The following MGAT4C variants were observed in gnomAD, a reference collection of about 807,000 sequenced individuals.
The protein encoded by MGAT4C is MGAT4 family member C, also known as alpha-1,3-mannosyl-glycoprotein 4-beta-N-acetylglucosaminyltransferase C.
In MGAT4C, 19 loss-of-function variants were observed where a neutral mutation model predicts 40.1. The observed-to-expected ratio is 0.47, with a 90% CI of 0.33 to 0.70. MGAT4C has a LOEUF of 0.70. Among genes scored for constraint, MGAT4C ranks in the 30% least tolerant of loss-of-function variants. MGAT4C has a pLI of 0.02. For synonymous variants in MGAT4C, 181 were observed against 187.1 expected (o/e 0.97, Z 0.27); for missense variants, 491 against 563.2 (o/e 0.87, Z 1.30).
chr12:86,607,161 T>G (rs1397504819), intron 2 of MGAT4C, among the ~76,000 whole-genome samples: 2 of 152,058 alleles, frequency 1.3e-5, no homozygotes, highest in Non-Finnish European at 2.9e-5. Context: ...ACATGCTATT[T>G]AGCTCTTCTA....
rs924536306 is a variant in MGAT4C at position 85,978,142 on chromosome 12, T to C, written c.*1147A>G. 6.6e-6 allele frequency: 1 copy of C among 151,636 alleles called. No homozygotes were observed. The highest frequency in any genetic ancestry group is 1.5e-5 in the Non-Finnish European group (1 of 67,662). 9.4% of individuals were successfully genotyped at this position (151,636 alleles called of 1,614,324 possible). On this transcript the variant is annotated 3_prime_UTR_variant, in exon 5 of 5. Coordinates refer to ENST00000611864, the MANE Select transcript of MGAT4C (RefSeq NM_001351288.2). Reference sequence around the variant, plus strand: ...ACATTATTTAGGATAATATTATTTATGCAGGAATTGTACCACCTATTTCCA... The same window carrying C: ...ACATTATTTAGGATAATATTATTTACGCAGGAATTGTACCACCTATTTCCA...
intron 1 of MGAT4C, among the ~76,000 whole-genome samples, chr12:86,145,072 C>T (rs2135749457): frequency 6.6e-6 from 1 of 152,202 alleles, no homozygotes; most frequent in South Asian, 2.1e-4. Flanking sequence ...AATGCAAAAC[C>T]TTGCCAACTT....
At position 86,430,455 on chromosome 12, in the gene MGAT4C, TG is replaced by T. The variant is rs201454071; in HGVS notation, c.-120+4701del. Among the ~76,000 whole-genome samples the T allele has an allele frequency of 6.5e-3, 989 of 152,272 alleles. 11 individuals are homozygous for T. The highest frequency in any genetic ancestry group is 0.023 in the African/African-American group (946 of 41,564). On this transcript the variant is annotated intron_variant, in intron 3 of 7. Coordinates refer to the MGAT4C transcript ENST00000548651. ...AGCCTCTGATTTTGGAAAAGCCAGCTGGGGACATCCTTGGGGAGGCAGAGCT... is the reference window on the plus strand; with the variant it reads ...AGCCTCTGATTTTGGAAAAGCCAGCTGGGACATCCTTGGGGAGGCAGAGCT...
chr12:86,109,098 A>G (rs1385625273), intron 1 of MGAT4C, among the ~76,000 whole-genome samples: 1 of 152,186 alleles, frequency 6.6e-6, no homozygotes, highest in Non-Finnish European at 1.5e-5. Flanking sequence ...TTAAATCAGC[A>G]CTATTGATCA....
At chr12:86,293,294 C>CA (rs2136130473) in intron 4 of MGAT4C, among the ~76,000 whole-genome samples, 1 of 152,196 alleles carries the variant, frequency 6.6e-6, no homozygotes, top group South Asian at 2.1e-4. Flanking sequence ...TTGTGATAAA[C>CA]AGAGTCAATA....
At chr12:86,190,654 T>C (rs1889283093) in intron 1 of MGAT4C, among the ~76,000 whole-genome samples, 2 of 152,064 alleles carry the variant, frequency 1.3e-5, no homozygotes, top group Non-Finnish European at 2.9e-5. Flanking sequence ...GAGCTCACAA[T>C]TTTACTTCTA....
chr12:86,678,992 G>A (rs999903603), intron 2 of MGAT4C, among the ~76,000 whole-genome samples: 4 of 152,084 alleles, frequency 2.6e-5, no homozygotes, highest in Non-Finnish European at 5.9e-5. Context: ...CTAGATCCCT[G>A]AGGAATCGCC....
Position 85,965,363 on chromosome 12 carries a change from C to A in MGAT4C, c.*13926G>T, listed in dbSNP as rs546448762. On this transcript the variant is annotated 3_prime_UTR_variant, in exon 5 of 5. Coordinates refer to ENST00000611864, the MANE Select transcript of MGAT4C (RefSeq NM_001351288.2). Reference sequence around the variant, plus strand: ...ATGTAATCCCAGCACTTTGTGAGGCCGAGGCGGGAGGATCACGAGGTCAGG... The same window carrying A: ...ATGTAATCCCAGCACTTTGTGAGGCAGAGGCGGGAGGATCACGAGGTCAGG... 2 of 151,784 alleles carry A rather than the reference C, an allele frequency of 1.3e-5. No individual in the cohort carries two copies. Among genetic ancestry groups the A allele is most frequent in the African/African-American group, 4.8e-5 (2 of 41,300 alleles). 9.4% of individuals were successfully genotyped at this position (151,784 alleles called of 1,614,324 possible).
intron 4 of MGAT4C, among the ~76,000 whole-genome samples, chr12:86,275,944 C>A (rs1258890536): frequency 3.8e-4 from 26 of 69,172 alleles, no homozygotes; most frequent in South Asian, 7.1e-4. Context: ...ACTAAAAATC[C>A]AAAAAAAAAA....
intron 2 of MGAT4C, among the ~76,000 whole-genome samples, chr12:86,590,650 T>G (rs181206241): frequency 0.012 from 1,762 of 152,068 alleles, 12 homozygotes; most frequent in Non-Finnish European, 0.014. Context: ...TGCAGATGGC[T>G]TAAGCTTACA....
intron 1 of MGAT4C, among the ~76,000 whole-genome samples, chr12:86,751,852 T>C (rs1174320183): frequency 6.6e-6 from 1 of 152,022 alleles, no homozygotes; most frequent in Non-Finnish European, 1.5e-5. Context: ...ACTATTATAA[T>C]AAGGAAATAG....
chr12:86,412,293 G>A (rs151143895), intron 3 of MGAT4C, among the ~76,000 whole-genome samples: 2 of 152,298 alleles, frequency 1.3e-5, no homozygotes, highest in East Asian at 3.9e-4. Flanking sequence ...CTTGCACCAT[G>A]CACCTGGAAA....
rs1448776255 is a variant in MGAT4C at position 85,963,174 on chromosome 12, C to T, written c.*16115G>A. 1 of 151,636 alleles carries T rather than the reference C, an allele frequency of 6.6e-6. No individual in the cohort carries two copies. The highest frequency in any genetic ancestry group is 2.4e-5 in the African/African-American group (1 of 41,318). The allele number at this position is 151,636 out of a possible 1,614,324, so 9.4% of individuals were successfully genotyped here. A position where few individuals can be genotyped will look rare whatever the true frequency, so the allele number is the denominator to read the frequency against. On this transcript the variant is annotated 3_prime_UTR_variant, in exon 5 of 5. Coordinates refer to ENST00000611864, the MANE Select transcript of MGAT4C (RefSeq NM_001351288.2). Reference sequence around the variant, plus strand: ...GGGTGCTTTAAATGTTTTTTGGAGGCTATTACAAAATCACATCCTAAAATT... The same window carrying T: ...GGGTGCTTTAAATGTTTTTTGGAGGTTATTACAAAATCACATCCTAAAATT...
chr12:85,997,059 A>G (rs1886710377), intron 2 of MGAT4C, among the ~76,000 whole-genome samples: 1 of 152,230 alleles, frequency 6.6e-6, no homozygotes, highest in Admixed American at 6.5e-5. Flanking sequence ...CAACAGAAAG[A>G]GGTTTAATGG....
chr12:86,813,224 T>C (rs1952510451), intron 1 of MGAT4C, among the ~76,000 whole-genome samples: 1 of 152,010 alleles, frequency 6.6e-6, no homozygotes, highest in Non-Finnish European at 1.5e-5. Context: ...TTTTTGGACA[T>C]CTTGAAAATA....
At chr12:86,822,334 G>A (rs988937489) in intron 1 of MGAT4C, among the ~76,000 whole-genome samples, 1 of 151,100 alleles carries the variant, frequency 6.6e-6, no homozygotes. Context: ...CAAAATGGCA[G>A]TAGGAAATCT....
At chr12:86,075,756 C>T (rs924708435) in intron 1 of MGAT4C, among the ~76,000 whole-genome samples, 5 of 152,234 alleles carry the variant, frequency 3.3e-5, no homozygotes, top group African/African-American at 1.2e-4. Context: ...GGCTTCCATC[C>T]TCTGAAGCCA....
Position 85,969,055 on chromosome 12 carries a change from G to A in MGAT4C, c.*10234C>T, listed in dbSNP as rs1883493047. ...AGGAGTGAATGGACAATCTGCATCA[G>A]TGTTAACTAAAATACATTGAAAGTG... On this transcript the variant is annotated 3_prime_UTR_variant, in exon 5 of 5. Coordinates refer to ENST00000611864, the MANE Select transcript of MGAT4C (RefSeq NM_001351288.2). 1 of 151,778 alleles carries A rather than the reference G, an allele frequency of 6.6e-6. No homozygotes were observed. Among genetic ancestry groups the A allele is most frequent in the Admixed American group, 6.6e-5 (1 of 15,220 alleles). The allele number at this position is 151,778 out of a possible 1,614,324, so 9.4% of individuals were successfully genotyped here. A position where few individuals can be genotyped will look rare whatever the true frequency, so the allele number is the denominator to read the frequency against.
chr12:86,070,068 G>A (rs114879785), intron 1 of MGAT4C, among the ~76,000 whole-genome samples: 323 of 151,232 alleles, frequency 2.1e-3, no homozygotes, highest in African/African-American at 7.4e-3. Flanking sequence ...ATGAGGTCCC[G>A]ATGTAGGAAC....
Sources: gnomAD v4.1 joint callset for allele counts (sites outside exome capture counted in the v4.1 genomes callset) on GRCh38, gnomAD v4.1.1 for gene constraint, MANE v1.5 for transcripts, NCBI Gene and HGNC (gene_info 2026-07-23, HGNC 2026-07-21) for gene names.